ROBO1: variants seen among roughly 807,000 people sequenced by gnomAD.
ROBO1 encodes roundabout guidance receptor 1.
In ROBO1, 149 loss-of-function variants were observed where a neutral mutation model predicts 195.9. The ratio of observed to expected loss-of-function variants is 0.76; its 90% CI spans 0.67 to 0.87. The LOEUF is 0.87. ROBO1 is among the 40% of genes least tolerant of loss of function. The pLI is 0.00. For synonymous variants in ROBO1, 816 were observed against 733.2 expected (o/e 1.11, Z -1.82); for missense variants, 1,933 against 2,068.3 (o/e 0.93, Z 1.27).
chr3:79,287,442 C>T (rs2031954735), intron 2 of ROBO1, among the ~76,000 whole-genome samples: 1 of 152,126 alleles, frequency 6.6e-6, no homozygotes, highest in Non-Finnish European at 1.5e-5. Flanking sequence ...ACTGTATATT[C>T]TCATGTTGAT....
intron 1 of ROBO1, among the ~76,000 whole-genome samples, chr3:79,659,780 C>G (rs1437258426): frequency 6.6e-6 from 1 of 152,152 alleles, no homozygotes; most frequent in East Asian, 1.9e-4. Context: ...ATCTAGCCCC[C>G]TCTAACAATG....
intron 3 of ROBO1, among the ~76,000 whole-genome samples, chr3:79,071,659 T>A (rs2079091212): frequency 1.3e-5 from 2 of 151,762 alleles, no homozygotes; most frequent in African/African-American, 4.8e-5. Context: ...TTCCTCAACT[T>A]GCTATTCATG....
chr3:79,162,350 G>A (rs988204699), intron 2 of ROBO1, among the ~76,000 whole-genome samples: 2 of 152,056 alleles, frequency 1.3e-5, no homozygotes, highest in Admixed American at 1.3e-4. Flanking sequence ...TGAGGTAGAA[G>A]TGATTTAGAA....
chr3:79,443,416 C>T (rs773217315), intron 2 of ROBO1, among the ~76,000 whole-genome samples: 25 of 152,136 alleles, frequency 1.6e-4, no homozygotes, highest in Non-Finnish European at 3.1e-4. Flanking sequence ...ACTTGAGTTG[C>T]ATCTTTCAAC....
intron 4 of ROBO1, among the ~76,000 whole-genome samples, chr3:78,780,271 G>A (rs2083635720): frequency 6.6e-6 from 1 of 152,028 alleles, no homozygotes; most frequent in Admixed American, 6.6e-5. Flanking sequence ...ATTCACATAT[G>A]TTAGTCTTAT....
chr3:78,883,961 A>G (rs983355041), intron 4 of ROBO1, among the ~76,000 whole-genome samples: 1 of 152,206 alleles, frequency 6.6e-6, no homozygotes. Context: ...GTGCAAAATC[A>G]GAGAGCCTGA....
chr3:79,271,293 C>T (rs2030530872), intron 2 of ROBO1, among the ~76,000 whole-genome samples: 2 of 151,850 alleles, frequency 1.3e-5, no homozygotes, highest in African/African-American at 4.8e-5. Flanking sequence ...TTCATGTCCC[C>T]TCAGTGTCTG....
At chr3:79,082,615 C>T (rs899271703) in intron 3 of ROBO1, among the ~76,000 whole-genome samples, 1 of 152,162 alleles carries the variant, frequency 6.6e-6, no homozygotes, top group African/African-American at 2.4e-5. Context: ...GCTCCAGAGC[C>T]TCAAGTGTGG....
At chr3:79,724,616 G>T (rs1161756439) in intron 1 of ROBO1, among the ~76,000 whole-genome samples, 1 of 152,150 alleles carries the variant, frequency 6.6e-6, no homozygotes, top group Non-Finnish European at 1.5e-5. Context: ...CCAACAGCTG[G>T]CAAGAAACTG....
At position 79,672,649 on chromosome 3, in the gene ROBO1, T is replaced by G. The variant is rs191144816; in HGVS notation, c.-50-82688A>C. On this transcript the variant is annotated intron_variant, in intron 1 of 30. Transcript: ENST00000464233. ...GGGACATAAGGATGCATTTTATTAATAGTTTCCGTAGTTGTTGGCTGTTGT... is the reference window on the plus strand; with the variant it reads ...GGGACATAAGGATGCATTTTATTAAGAGTTTCCGTAGTTGTTGGCTGTTGT... 3.3e-3 allele frequency among the ~76,000 whole-genome samples: 501 copies of G among 152,006 alleles called. 3 individuals carry two copies. The highest frequency in any genetic ancestry group is 3.7e-3 in the Non-Finnish European group (250 of 67,928).
intron 5 of ROBO1, among the ~76,000 whole-genome samples, chr3:78,737,362 A>C (rs1358915217): frequency 6.6e-6 from 1 of 152,164 alleles, no homozygotes. Flanking sequence ...TTCCATCAAG[A>C]TTTAGATGAC....
chr3:79,344,797 C>A (rs1046586180), intron 2 of ROBO1, among the ~76,000 whole-genome samples: 5 of 152,192 alleles, frequency 3.3e-5, no homozygotes, highest in Admixed American at 2.0e-4. Flanking sequence ...GTAATCCCCA[C>A]GTGTCAAGGG....
chr3:79,060,690 T>C (rs1487422123), intron 3 of ROBO1, among the ~76,000 whole-genome samples: 1 of 152,020 alleles, frequency 6.6e-6, no homozygotes, highest in Non-Finnish European at 1.5e-5. Flanking sequence ...CAAGGCTGGT[T>C]CAACATATGC....
At chr3:78,810,688 C>T (rs2084710072) in intron 4 of ROBO1, among the ~76,000 whole-genome samples, 1 of 151,606 alleles carries the variant, frequency 6.6e-6, no homozygotes, top group Non-Finnish European at 1.5e-5. Context: ...AAAAAGTAAT[C>T]ACCCTGTAAA....
chr3:79,288,829 C>A (rs918812003), intron 2 of ROBO1, among the ~76,000 whole-genome samples: 1 of 152,020 alleles, frequency 6.6e-6, no homozygotes, highest in Admixed American at 6.6e-5. Context: ...AGATTGCACT[C>A]AAAGTGTGTA....
At chr3:79,697,555 C>T (rs940352008) in intron 1 of ROBO1, among the ~76,000 whole-genome samples, 1 of 150,892 alleles carries the variant, frequency 6.6e-6, no homozygotes, top group Admixed American at 6.6e-5. Context: ...TATTTTAATG[C>T]ATAAAAAGGA....
intron 2 of ROBO1, among the ~76,000 whole-genome samples, chr3:79,307,635 T>G (rs1281952954): frequency 1.3e-5 from 2 of 152,044 alleles, no homozygotes; most frequent in Non-Finnish European, 2.9e-5. Context: ...AATGTTATGG[T>G]TCTTATTAGA....
intron 3 of ROBO1, among the ~76,000 whole-genome samples, chr3:78,985,431 C>T (rs959008218): frequency 6.6e-6 from 1 of 152,066 alleles, no homozygotes; most frequent in Non-Finnish European, 1.5e-5. Flanking sequence ...CAACAGTAGG[C>T]TATTAGTAAT....
At chr3:78,907,121 G>A (rs1576378779) in intron 4 of ROBO1, among the ~76,000 whole-genome samples, 1 of 151,956 alleles carries the variant, frequency 6.6e-6, no homozygotes, top group Non-Finnish European at 1.5e-5. Context: ...ATTTTTAAAG[G>A]TTAGTGTCAA....
Sources: allele counts gnomAD v4.1 joint callset (sites outside exome capture counted in the v4.1 genomes callset), GRCh38; gene constraint gnomAD v4.1.1; transcripts MANE v1.5; gene names NCBI Gene and HGNC (gene_info 2026-07-23, HGNC 2026-07-21).